The following ADIPOR2 variants were observed in gnomAD, a reference collection of about 807,000 sequenced individuals.
ADIPOR2 encodes adiponectin receptor 2, also known as adiponectin receptor protein 2.
ADIPOR2 carries 18 observed loss-of-function variants against 40.9 expected under a neutral mutation model. The ratio of observed to expected loss-of-function variants is 0.44; its 90% CI spans 0.30 to 0.65. The LOEUF (loss-of-function observed/expected upper bound fraction) is 0.65, where lower values mean the gene tolerates loss of function less well. Ranked by LOEUF, ADIPOR2 falls within the 30% of genes least tolerant of loss-of-function variation. The pLI is 0.09. For synonymous variants in ADIPOR2, 165 were observed against 166.4 expected, an observed-to-expected ratio of 0.99 and a Z score of 0.06; for missense variants, 283 against 479.2, an observed-to-expected ratio of 0.59 and a Z score of 3.82.
chr12:1,704,034 T>TTTG (rs2094656563), intron 1 of ADIPOR2, among the ~76,000 whole-genome samples: 1 of 145,238 alleles, frequency 6.9e-6, no homozygotes, highest in Admixed American at 7.0e-5. Flanking sequence ...TTTTTTTTTT[T>TTTG]GGGTCTTGGT....
At chr12:1,759,186 C>T (rs1195677855) in intron 2 of ADIPOR2, among the ~76,000 whole-genome samples, 2 of 152,226 alleles carry the variant, frequency 1.3e-5, no homozygotes, top group Non-Finnish European at 2.9e-5. Context: ...TTTTGCTTCT[C>T]AGATGTGTTC....
At chr12:1,717,459 C>G (rs1381195829) in intron 1 of ADIPOR2, among the ~76,000 whole-genome samples, 1 of 152,194 alleles carries the variant, frequency 6.6e-6, no homozygotes, top group Non-Finnish European at 1.5e-5. Context: ...GTAATCCCAG[C>G]ACTTTGGGAG....
At chr12:1,728,619 G>C (rs1180204278) in intron 1 of ADIPOR2, among the ~76,000 whole-genome samples, 2 of 151,832 alleles carry the variant, frequency 1.3e-5, no homozygotes, top group Non-Finnish European at 1.5e-5. Flanking sequence ...AGCTACTCCG[G>C]AGGCTGAAGC....
intron 1 of ADIPOR2, among the ~76,000 whole-genome samples, chr12:1,709,954 C>T (rs1422182141): frequency 6.6e-6 from 1 of 152,174 alleles, no homozygotes; most frequent in Non-Finnish European, 1.5e-5. Flanking sequence ...TAAGCTGTGT[C>T]TTTGATAGTA....
chr12:1,783,111 G>T (rs1368833264), intron 6 of ADIPOR2, among the ~76,000 whole-genome samples: 1 of 151,160 alleles, frequency 6.6e-6, no homozygotes, highest in Non-Finnish European at 1.5e-5. Flanking sequence ...GGGATTACAG[G>T]TGTGAGCTGA....
chr12:1,784,704 T>TGGTAAGAGAGGAG (rs553564628), intron 7 of ADIPOR2, among the ~76,000 whole-genome samples: 61 of 152,216 alleles, frequency 4.0e-4, no homozygotes, highest in African/African-American at 1.4e-3. Flanking sequence ...TTGTGGTCAT[T>TGGTAAGAGAGGAG]GGTAAGAGAG....
rs1232726075 is a variant in ADIPOR2 at position 1,778,651 on chromosome 12, T to G, written c.463+626T>G. 2.0e-5 allele frequency: 3 copies of G among 152,204 alleles called. No individual in the cohort carries two copies. In the East Asian group the frequency reaches 5.8e-4, roughly 29 times the overall value. 9.4% of individuals were successfully genotyped at this position (152,204 alleles called of 1,614,324 possible). ...TCCTTGTAAGTTTGGATTAGGTGAC[T>G]GTTTCTGAGAATTGCCACCAAAGAA... On this transcript the variant is annotated intron_variant, in intron 4 of 7. Coordinates refer to ENST00000357103, the MANE Select transcript of ADIPOR2 (RefSeq NM_024551.3).
chr12:1,710,344 T>C (rs2094673724), intron 1 of ADIPOR2, among the ~76,000 whole-genome samples: 2 of 152,202 alleles, frequency 1.3e-5, no homozygotes, highest in Admixed American at 1.3e-4. Flanking sequence ...CTTTAAGAGC[T>C]GTAACACTCA....
At position 1,781,750 on chromosome 12, in the gene ADIPOR2, T is replaced by C. The variant is rs11061981; in HGVS notation, c.838+674T>C. 9.2e-3 allele frequency among the ~76,000 whole-genome samples: 1,396 copies of C among 152,294 alleles called. 31 individuals carry two copies. Among genetic ancestry groups the C allele is most frequent in the African/African-American group, 0.032 (1,339 of 41,560 alleles). On this transcript the variant is annotated intron_variant, in intron 6 of 7. Coordinates refer to ENST00000357103, the MANE Select transcript of ADIPOR2 (RefSeq NM_024551.3). ...ACTGAGAATGAACAAGGAGTGTTTTTCCTTTCGTCCTTAAACCCCCAAAAC... is the reference window on the plus strand; with the variant it reads ...ACTGAGAATGAACAAGGAGTGTTTTCCCTTTCGTCCTTAAACCCCCAAAAC...
At chr12:1,769,477 A>T (rs1454706799) in intron 2 of ADIPOR2, among the ~76,000 whole-genome samples, 1 of 152,250 alleles carries the variant, frequency 6.6e-6, no homozygotes, top group Non-Finnish European at 1.5e-5. Context: ...ATATTCCTTT[A>T]TACAAGGGTA....
intron 1 of ADIPOR2, among the ~76,000 whole-genome samples, chr12:1,734,770 A>G (rs548768771): frequency 3.3e-5 from 5 of 152,224 alleles, no homozygotes; most frequent in African/African-American, 9.6e-5. Context: ...ATCTTGAATT[A>G]ATTTTTGTAT....
Position 1,780,636 on chromosome 12 carries a change from A to G in ADIPOR2, c.649A>G (p.Lys217Glu). The G allele has an allele frequency of 6.3e-7, 1 of 1,584,592 alleles. No individual in the cohort carries two copies. The highest frequency in any genetic ancestry group is 8.5e-7 in the Non-Finnish European group (1 of 1,169,974). ...AGAGGGGGTCTCTCGGCTCTTCTCTAAGTAAGTATCTGTAAAGTCCGTATT... is the reference window on the plus strand; with the variant it reads ...AGAGGGGGTCTCTCGGCTCTTCTCTGAGTAAGTATCTGTAAAGTCCGTATT... ...HSEGVSRLFSKLDYSGIALLI... is the reference protein window; with the variant it reads ...HSEGVSRLFSELDYSGIALLI... The change falls in exon 5 of 8, where the codon AAA (lysine) becomes GAA (glutamate). Residue 217 changes from lysine to glutamate, a missense_variant and splice_region_variant. This residue lies in a region of ADIPOR2 where 112 missense variants were observed against 249.5 expected (regional missense o/e 0.45). Coordinates refer to ENST00000357103, the MANE Select transcript of ADIPOR2 (RefSeq NM_024551.3).
chr12:1,695,015 T>TG (rs1281666919), intron 1 of ADIPOR2, among the ~76,000 whole-genome samples: 1 of 125,612 alleles, frequency 8.0e-6, no homozygotes, highest in Non-Finnish European at 1.7e-5. Flanking sequence ...GTTGCAGTTT[T>TG]TTTTTTTTTT....
intron 1 of ADIPOR2, among the ~76,000 whole-genome samples, chr12:1,731,398 G>C (rs1225878753): frequency 6.6e-6 from 1 of 152,156 alleles, no homozygotes; most frequent in Admixed American, 6.5e-5. Flanking sequence ...AAAGGGTGCA[G>C]TTCAGTGGCA....
intron 2 of ADIPOR2, among the ~76,000 whole-genome samples, chr12:1,768,545 C>A (rs1862430418): frequency 6.6e-6 from 1 of 152,114 alleles, no homozygotes; most frequent in Non-Finnish European, 1.5e-5. Flanking sequence ...TATTTTTAAT[C>A]ATCTAATAAA....
intron 1 of ADIPOR2, among the ~76,000 whole-genome samples, chr12:1,733,039 A>G (rs2094723567): frequency 6.6e-6 from 1 of 152,190 alleles, no homozygotes; most frequent in Non-Finnish European, 1.5e-5. Context: ...AAACCTTGTT[A>G]GATTTACAGT....
intron 1 of ADIPOR2, among the ~76,000 whole-genome samples, chr12:1,751,672 A>T (rs2094769433): frequency 6.6e-6 from 1 of 151,826 alleles, no homozygotes; most frequent in South Asian, 2.1e-4. Flanking sequence ...GTGCCACCAC[A>T]CCCGGCTAAT....
At chr12:1,716,983 A>G (rs536078560) in intron 1 of ADIPOR2, among the ~76,000 whole-genome samples, 1 of 152,344 alleles carries the variant, frequency 6.6e-6, no homozygotes, top group African/African-American at 2.4e-5. Flanking sequence ...AACTTAAGTA[A>G]ACCTTAATAA....
Position 1,745,106 on chromosome 12 carries a change from G to C in ADIPOR2, c.-86-9152G>C, listed in dbSNP as rs558443095. Among the ~76,000 whole-genome samples, 27 of 152,276 alleles carry C rather than the reference G, an allele frequency of 1.8e-4. No homozygotes were observed. The South Asian group carries it at 5.4e-3, about 30-fold the overall frequency. ...ACTGCCCATTTGAGAGGAATGAGCA[G>C]GAACCTTGTGGTGGTGAAAGTCAAC... On this transcript the variant is annotated intron_variant, in intron 1 of 7. Coordinates refer to ENST00000357103, the MANE Select transcript of ADIPOR2 (RefSeq NM_024551.3).
Sources: allele counts gnomAD v4.1 joint callset (sites outside exome capture counted in the v4.1 genomes callset), GRCh38; gene constraint gnomAD v4.1.1; regional missense constraint gnomAD v4.1.1; transcripts MANE v1.5; gene names NCBI Gene and HGNC (gene_info 2026-07-23, HGNC 2026-07-21).